The following EYS variants were observed in gnomAD, a reference collection of about 807,000 sequenced individuals.
EYS encodes the protein protein eyes shut homolog.
In EYS, 250 loss-of-function variants were observed where a neutral mutation model predicts 282.1. That is an observed-to-expected ratio of 0.89 (90% CI 0.80 to 0.98). The LOEUF (loss-of-function observed/expected upper bound fraction) is 0.98, where lower values mean the gene tolerates loss of function less well. Among genes scored for constraint, EYS ranks in the 50% least tolerant of loss-of-function variants. EYS has a pLI of 0.00. For missense variants in EYS, 4,016 were observed against 3,709.0 expected, an observed-to-expected ratio of 1.08 and a Z score of -2.15; for synonymous variants, 1,355 against 1,282.9, an observed-to-expected ratio of 1.06 and a Z score of -1.20.
At chr6:64,022,705 AT>A (rs1269769889) in intron 33 of EYS, among the ~76,000 whole-genome samples, 1 of 152,212 alleles carries the variant, frequency 6.6e-6, no homozygotes. Context: ...GTTTTATTCA[AT>A]ATCTACTGAA....
chr6:65,359,460 T>C (rs1056680044), intron 8 of EYS, among the ~76,000 whole-genome samples: 1 of 152,012 alleles, frequency 6.6e-6, no homozygotes, highest in Non-Finnish European at 1.5e-5. Context: ...TAGATGCTGA[T>C]TTCTTATTTC....
Position 64,309,694 on chromosome 6 carries a change from C to T in EYS, c.6079-2612G>A, listed in dbSNP as rs150540890. Reference sequence around the variant, plus strand: ...AAAAAAACAAAAGCTCAGCCAGGCACGGTAGCTCATGCCTGTAATCCCAGC... The same window carrying T: ...AAAAAAACAAAAGCTCAGCCAGGCATGGTAGCTCATGCCTGTAATCCCAGC... On this transcript the variant is annotated intron_variant, in intron 29 of 42. Coordinates refer to ENST00000503581, the MANE Select transcript of EYS (RefSeq NM_001142800.2). Among the ~76,000 whole-genome samples, 1,267 of 152,104 alleles carry T rather than the reference C, an allele frequency of 8.3e-3. 8 individuals carry two copies. The highest frequency in any genetic ancestry group is 0.027 in the Middle Eastern group (8 of 294).
chr6:65,473,312 G>T (rs1014797333), intron 5 of EYS, among the ~76,000 whole-genome samples: 4 of 151,874 alleles, frequency 2.6e-5, no homozygotes, highest in Admixed American at 6.6e-5. Flanking sequence ...TTAGGAAAGA[G>T]AAATTGAACA....
rs1168129071 is a variant in EYS at position 63,726,585 on chromosome 6, G to C, written c.8167C>G (p.Gln2723Glu). Residue 2723 changes from glutamine (Q) to glutamate (E), a missense_variant, in exon 42 of 43, where the codon CAG becomes GAG. Transcript: ENST00000503581. ...HVRKKTHIQL[Q>E]FQPLAADGIL... ...CCATCTGCAGCGAGAGGCTGAAACT[G>C]CAATTGAATATGTGTCTTTTTTCGA... 1.9e-6 allele frequency: 3 copies of C among 1,551,130 alleles called. No homozygotes were observed. In the African/African-American group the frequency reaches 4.1e-5, roughly 21 times the overall value.
At chr6:63,757,241 G>A (rs1046115937) in intron 41 of EYS, among the ~76,000 whole-genome samples, 19 of 152,006 alleles carry the variant, frequency 1.2e-4, no homozygotes, top group African/African-American at 3.9e-4. Context: ...ATAAATGGCC[G>A]CTCTGGCAGT....
chr6:65,659,571 C>T (rs2149824459), intron 1 of EYS, among the ~76,000 whole-genome samples: 1 of 151,714 alleles, frequency 6.6e-6, no homozygotes, highest in East Asian at 1.9e-4. Flanking sequence ...TTTTTAGAAA[C>T]ACCTGAGCTG....
chr6:64,958,540 G>A (rs1489970193), intron 14 of EYS, among the ~76,000 whole-genome samples: 2 of 151,744 alleles, frequency 1.3e-5, no homozygotes, highest in African/African-American at 2.4e-5. Flanking sequence ...GAGGTCAGGA[G>A]ATCGAGACCA....
chr6:65,232,898 T>C (rs993415293), intron 12 of EYS, among the ~76,000 whole-genome samples: 2 of 152,176 alleles, frequency 1.3e-5, no homozygotes, highest in Non-Finnish European at 2.9e-5. Flanking sequence ...TGGAATATTA[T>C]AGATACTGTG....
At chr6:64,020,343 GTAATA>G (rs1350015496) in intron 33 of EYS, among the ~76,000 whole-genome samples, 1 of 152,092 alleles carries the variant, frequency 6.6e-6, no homozygotes, top group Non-Finnish European at 1.5e-5. Context: ...ATGTATAAAT[GTAATA>G]TATCATAAAA....
At chr6:65,495,714 A>G (rs1448696861) in intron 3 of EYS, 107 bp from the exon 4 acceptor site, 1 of 412,026 alleles carries the variant, frequency 2.4e-6, no homozygotes, top group Non-Finnish European at 4.4e-6. Context: ...CACTGCAAAG[A>G]TAGTGTCACC....
At chr6:64,724,949 G>A (rs1162065052) in intron 22 of EYS, among the ~76,000 whole-genome samples, 1 of 151,844 alleles carries the variant, frequency 6.6e-6, no homozygotes, top group Admixed American at 6.6e-5. Context: ...AGCTGACTAA[G>A]AATTTCAACT....
intron 26 of EYS, among the ~76,000 whole-genome samples, chr6:64,542,483 G>A (rs943228192): frequency 4.6e-5 from 7 of 152,016 alleles, no homozygotes; most frequent in South Asian, 2.1e-4. Flanking sequence ...TTGGATAGAG[G>A]AGACATATAG....
chr6:64,833,862 T>A (rs1765298220), intron 19 of EYS, among the ~76,000 whole-genome samples: 1 of 151,942 alleles, frequency 6.6e-6, no homozygotes, highest in Non-Finnish European at 1.5e-5. Flanking sequence ...TACAGAATCC[T>A]GGGGCTTTGA....
At chr6:64,745,859 G>A (rs990117594) in intron 22 of EYS, among the ~76,000 whole-genome samples, 1 of 152,082 alleles carries the variant, frequency 6.6e-6, no homozygotes, top group African/African-American at 2.4e-5. Flanking sequence ...TGATTCCCTT[G>A]AATAAAGTAG....
chr6:64,743,672 A>T (rs953091552), intron 22 of EYS, among the ~76,000 whole-genome samples: 1 of 152,160 alleles, frequency 6.6e-6, no homozygotes, highest in Non-Finnish European at 1.5e-5. Flanking sequence ...AGTGTTATAA[A>T]TTCATTGATT....
chr6:63,726,632 A>C lies in EYS; in HGVS notation c.8120T>G (p.Met2707Arg), dbSNP rs757841530. 1.9e-6 allele frequency: 3 copies of C among 1,551,402 alleles called. No individual in the cohort carries two copies. Among genetic ancestry groups the C allele is most frequent in the Non-Finnish European group, 2.6e-6 (3 of 1,146,764 alleles). Reference protein sequence around the residue: ...PSFRSNELSWMSFASFHVRKK... With the variant: ...PSFRSNELSWRSFASFHVRKK... Reference sequence around the variant, plus strand: ...TCGAACATGAAAGGAAGCAAAAGACATCCAGGATAACTCATTGCTTCTGAA... The same window carrying C: ...TCGAACATGAAAGGAAGCAAAAGACCTCCAGGATAACTCATTGCTTCTGAA... Residue 2707 changes from methionine to arginine, a missense_variant, in exon 42 of 43, where the codon ATG becomes AGG. Met to Arg is a moderately conservative substitution (Grantham distance 91, BLOSUM62 -1). Coordinates refer to ENST00000503581, the MANE Select transcript of EYS (RefSeq NM_001142800.2).
chr6:64,157,683 C>T (rs555467434), intron 31 of EYS, among the ~76,000 whole-genome samples: 1 of 152,130 alleles, frequency 6.6e-6, no homozygotes, highest in African/African-American at 2.4e-5. Context: ...GGTGGAAGCC[C>T]CAAGGCTTGG....
At chr6:64,659,207 T>G (rs368865115) in intron 22 of EYS, among the ~76,000 whole-genome samples, 1 of 151,976 alleles carries the variant, frequency 6.6e-6, no homozygotes, top group Non-Finnish European at 1.5e-5. Flanking sequence ...GACACAACAT[T>G]CCAGAATCTC....
chr6:65,135,108 T>C (rs973161337), intron 12 of EYS, among the ~76,000 whole-genome samples: 15 of 152,226 alleles, frequency 9.9e-5, no homozygotes, highest in African/African-American at 3.4e-4. Flanking sequence ...ATAATGTCTA[T>C]TGATGTCTTA....
Sources: gnomAD v4.1 joint callset for allele counts (sites outside exome capture counted in the v4.1 genomes callset) on GRCh38, gnomAD v4.1.1 for gene constraint, MANE v1.5 for transcripts, NCBI Gene and HGNC (gene_info 2026-07-23, HGNC 2026-07-21) for gene names.